C22orf42: variants seen among roughly 807,000 people sequenced by gnomAD.
C22orf42 encodes the protein uncharacterized protein C22orf42.
A neutral mutation model predicts 31.4 loss-of-function variants in C22orf42; 24 were observed. That is an observed-to-expected ratio of 0.77 (90% CI 0.55 to 1.08). The LOEUF is 1.08. Among genes scored for constraint, C22orf42 ranks in the 50% least tolerant of loss-of-function variants. The pLI, the probability that C22orf42 is intolerant of heterozygous loss-of-function variation, is 0.00. For missense variants in C22orf42, 276 were observed against 327.3 expected, an observed-to-expected ratio of 0.84 and a Z score of 1.21; for synonymous variants, 96 against 112.7, an observed-to-expected ratio of 0.85 and a Z score of 0.94.
At chr22:32,152,013 T>G in intron 4 of C22orf42, 54 bp downstream of exon 4, 1 of 1,521,884 alleles carries the variant, frequency 6.6e-7, no homozygotes, top group Non-Finnish European at 9.0e-7. Flanking sequence ...ATGAGTGAAT[T>G]GTTTTGCATG....
chr22:32,152,423 C>T, intron 3 of C22orf42, 139 bp downstream of exon 3: 1 of 757,598 alleles, frequency 1.3e-6, no homozygotes, highest in South Asian at 1.7e-5. Flanking sequence ...TGGTCATAAC[C>T]TCCAGTGACC....
In C22orf42 at chr22:32,149,733, C is replaced by A. The variant is rs28413788; in HGVS notation, c.682+20G>T. ...TATCTACATATATATCTATATATAT[C>A]TAGATATATATATACTTACAGAGGT... On this transcript the variant is annotated intron_variant, in intron 8 of 8. Coordinates refer to ENST00000382097, the MANE Select transcript of C22orf42 (RefSeq NM_001010859.3). The A allele has an allele frequency of 3.3e-6, 4 of 1,206,428 alleles. No homozygotes were observed. Among genetic ancestry groups the A allele is most frequent in the South Asian group, 2.4e-5 (1 of 41,848 alleles). 74.7% of individuals were successfully genotyped at this position (1,206,428 alleles called of 1,614,324 possible).
upstream of C22orf42, chr22:32,159,649 C>T (rs1463072837): frequency 9.1e-6 from 2 of 220,192 alleles, no homozygotes; most frequent in South Asian, 1.3e-4. Flanking sequence ...TGGCAGCTTT[C>T]GTTTGCTCAC....
At chr22:32,154,364 T>C in intron 1 of C22orf42, 46 bp from the exon 2 acceptor site, 7 of 1,596,450 alleles carry the variant, frequency 4.4e-6, no homozygotes, top group Non-Finnish European at 5.1e-6. Flanking sequence ...AAATGTATTA[T>C]AATAAAGACA....
chr22:32,150,782 G>C (rs917250168), intron 6 of C22orf42: 3 of 646,180 alleles, frequency 4.6e-6, no homozygotes, highest in Non-Finnish European at 5.5e-6. Flanking sequence ...TGGCTGCCTA[G>C]ATCCAGGGGT....
At chr22:32,157,923 T>C (rs1179999662) in intron 1 of C22orf42, among the ~76,000 whole-genome samples, 1 of 152,286 alleles carries the variant, frequency 6.6e-6, no homozygotes, top group African/African-American at 2.4e-5. Flanking sequence ...CTATTCGTCC[T>C]GGGCTGCCTG....
At position 32,149,573 on chromosome 22, in the gene C22orf42, G is replaced by A. The variant is rs777142463; in HGVS notation, c.723C>T (p.Ile241=). Residue 241 remains isoleucine (I), a synonymous_variant, in exon 9 of 9, where the codon ATC becomes ATT. Transcript: ENST00000382097. The part of the protein sequence containing the change: ...KMARSRLNEP[I]SSQVLGLLRL ...GGAGAAGTCCTAGAACCTGGCTGCT[G>A]ATGGGTTCATTGAGCCGAGACCGTG... 1.3e-6 allele frequency: 2 copies of A among 1,534,180 alleles called. No homozygotes were observed. The highest frequency in any genetic ancestry group is 2.5e-5 in the South Asian group (2 of 81,582).
At chr22:32,152,680 A>G in intron 2 of C22orf42, 54 bp from the exon 3 acceptor site, 1 of 1,557,026 alleles carries the variant, frequency 6.4e-7, no homozygotes, top group Non-Finnish European at 8.9e-7. Context: ...GGAATCCCAC[A>G]AGGAGCCCTG....
At position 32,149,078 on chromosome 22, in the gene C22orf42, C is replaced by G. The variant is rs962841759; in HGVS notation, c.*462G>C. 2 of 152,364 alleles carry G rather than the reference C, an allele frequency of 1.3e-5. No individual in the cohort carries two copies. The highest frequency in any genetic ancestry group is 3.9e-4 in the East Asian group (2 of 5,194). 9.4% of individuals were successfully genotyped at this position (152,364 alleles called of 1,614,324 possible). A position where few individuals can be genotyped will look rare whatever the true frequency, so the allele number is the denominator to read the frequency against. ...CAATATTGTCTCCATCACTCCGAAA[C>G]CCCCTTACAGTTTGGTAAGAATTAC... is the stretch of plus-strand genomic sequence containing the variant. On this transcript the variant is annotated 3_prime_UTR_variant, in exon 9 of 9. Transcript: ENST00000382097.
intron 2 of C22orf42, among the ~76,000 whole-genome samples, chr22:32,152,918 C>T (rs1005924746): frequency 6.6e-6 from 1 of 152,176 alleles, no homozygotes; most frequent in African/African-American, 2.4e-5. Context: ...CATCACACCT[C>T]CTCCCCATTT....
chr22:32,158,680 TA>T, intron 1 of C22orf42, among the ~76,000 whole-genome samples: 1 of 152,292 alleles, frequency 6.6e-6, no homozygotes, highest in Non-Finnish European at 1.5e-5. Flanking sequence ...TTCACTTAGG[TA>T]CCAGACCAGC....
chr22:32,158,612 A>G (rs1208712490), intron 1 of C22orf42, among the ~76,000 whole-genome samples: 3 of 152,224 alleles, frequency 2.0e-5, no homozygotes, highest in Non-Finnish European at 4.4e-5. Context: ...AATTATCCCA[A>G]TTATTAGCTA....
chr22:32,154,020 C>A (rs545482274), intron 2 of C22orf42, among the ~76,000 whole-genome samples: 128 of 151,300 alleles, frequency 8.5e-4, no homozygotes, highest in African/African-American at 3.0e-3. Context: ...CCTTTTCACA[C>A]ACACACACAC....
rs755172070 is a variant in C22orf42 at position 32,159,186 on chromosome 22, G to T, written c.30C>A (p.Gly10=). 2.3e-5 allele frequency: 37 copies of T among 1,613,880 alleles called. No individual in the cohort carries two copies. The highest frequency in any genetic ancestry group is 3.3e-5 in the South Asian group (3 of 91,082). Residue 10 remains glycine, a synonymous_variant, in exon 1 of 9, where the codon GGC becomes GGA. Coordinates refer to ENST00000382097, the MANE Select transcript of C22orf42 (RefSeq NM_001010859.3). ...AGTCACAGTTGAGGCCCCCGCTGGG[G>T]CCCAGGCAGCAAGTCAGTTTGCTCC... MGSKLTCCL[G]PSGGLNCDCC... is the part of the protein sequence containing the mutation.
At chr22:32,160,439 A>G (rs1921531395), upstream of C22orf42, 1 of 152,242 alleles carries the variant, frequency 6.6e-6, no homozygotes, top group Admixed American at 6.5e-5. Flanking sequence ...TGAGCAAACA[A>G]AGGCTTAGAG....
chr22:32,152,011 A>G (rs1455061271), intron 4 of C22orf42, 56 bp downstream of exon 4: 3 of 1,512,656 alleles, frequency 2.0e-6, no homozygotes, highest in Non-Finnish European at 1.8e-6. Flanking sequence ...AAATGAGTGA[A>G]TTGTTTTGCA....
intron 2 of C22orf42, 47 bp downstream of exon 2, chr22:32,154,197 T>C: frequency 6.2e-7 from 1 of 1,606,174 alleles, no homozygotes; most frequent in African/African-American, 1.3e-5. Context: ...ATGAATAAAC[T>C]GGAATTGTTT....
In C22orf42 at chr22:32,156,922, G is replaced by C. The variant is rs189596432; in HGVS notation, c.232+2062C>G. Among the ~76,000 whole-genome samples, 495 of 152,274 alleles carry C rather than the reference G, an allele frequency of 3.3e-3. 2 individuals are homozygous for C. Among genetic ancestry groups the C allele is most frequent in the Non-Finnish European group, 5.1e-3 (344 of 68,024 alleles). On this transcript the variant is annotated intron_variant, in intron 1 of 8. Coordinates refer to ENST00000382097, the MANE Select transcript of C22orf42 (RefSeq NM_001010859.3). ...CAATTGTGACAAATTCCCCTTCGTG[G>C]AGTCGAGCCATTTTGCATTTCCACC...
At position 32,150,399 on chromosome 22, in the gene C22orf42, CAG is replaced by C. The variant is rs755216781; in HGVS notation, c.572_573del (p.Ser191CysfsTer4). On this transcript the variant is annotated frameshift_variant, in exon 7 of 9. Coordinates refer to ENST00000382097, the MANE Select transcript of C22orf42 (RefSeq NM_001010859.3). LOFTEE classifies it high-confidence loss of function. ...GATGTCATGAAGTCTTCAAGAGAGACAGATAGGCTTTCACTGAGATCCGATGT... is the reference window on the plus strand; with the variant it reads ...GATGTCATGAAGTCTTCAAGAGAGACATAGGCTTTCACTGAGATCCGATGT... ...FMTSDLSESL[S>X]VSLEDFMTSG... 6.2e-7 allele frequency: 1 copy of C among 1,614,044 alleles called. No homozygotes were observed. Among genetic ancestry groups the C allele is most frequent in the Non-Finnish European group, 8.5e-7 (1 of 1,179,946 alleles).
Sources: allele counts gnomAD v4.1 joint callset (sites outside exome capture counted in the v4.1 genomes callset), GRCh38; gene constraint gnomAD v4.1.1; transcripts MANE v1.5; gene names NCBI Gene and HGNC (gene_info 2026-07-23, HGNC 2026-07-21).